Variants in NCKAP1 observed in about 807,000 individuals in gnomAD.
NCKAP1 encodes NCK associated protein 1.
A neutral mutation model predicts 151.2 loss-of-function variants in NCKAP1; 21 were observed. The observed-to-expected ratio is 0.14, with a 90% CI of 0.10 to 0.20. The LOEUF is 0.20. NCKAP1 is among the 10% of genes least tolerant of loss of function. The probability of loss-of-function intolerance (pLI) is 1.00; values close to 1 mark genes in which losing one functional copy is unlikely to be tolerated. For synonymous variants in NCKAP1, 484 were observed against 451.8 expected (o/e 1.07, Z -0.90); for missense variants, 933 against 1,352.1 (o/e 0.69, Z 4.86).
intron 8 of NCKAP1, among the ~76,000 whole-genome samples, chr2:182,990,363 T>A (rs1411033054): frequency 6.6e-6 from 1 of 152,080 alleles, no homozygotes; most frequent in East Asian, 1.9e-4. Flanking sequence ...GTTGAAGAAG[T>A]GAAGGGTCAA....
chr2:182,957,333 T>C lies in NCKAP1; in HGVS notation c.2021+124A>G, dbSNP rs1044891676. 7.3e-6 allele frequency: 8 copies of C among 1,101,834 alleles called. No individual in the cohort carries two copies. The African/African-American group carries it at 8.1e-5, about 11-fold the overall frequency. The allele number at this position is 1,101,834 out of a possible 1,614,324, so 68.3% of individuals were successfully genotyped here. A position where few individuals can be genotyped will look rare whatever the true frequency, so the allele number is the denominator to read the frequency against. ...GGTTAATTAAGCTCAGAAATATTTT[T>C]TAAAATGGCTGGAAAATGAAGAATA... On this transcript the variant is annotated intron_variant, in intron 19 of 30. Coordinates refer to ENST00000361354, the MANE Select transcript of NCKAP1 (RefSeq NM_013436.5).
intron 30 of NCKAP1, 106 bp from the exon 31 acceptor site, chr2:182,925,924 A>G (rs2105795297): frequency 3.7e-6 from 2 of 535,038 alleles, no homozygotes; most frequent in East Asian, 3.3e-5. Flanking sequence ...CCAGTAAGGC[A>G]TAACTTCTAT....
intron 15 of NCKAP1, among the ~76,000 whole-genome samples, chr2:182,974,725 G>C (rs190450717): frequency 6.6e-6 from 1 of 151,948 alleles, no homozygotes; most frequent in Non-Finnish European, 1.5e-5. Context: ...CCAGCCTTCA[G>C]AACTATGAAA....
chr2:183,023,997 A>G, intron 1 of NCKAP1, 81 bp from the exon 2 acceptor site: 2 of 1,070,778 alleles, frequency 1.9e-6, no homozygotes, highest in Non-Finnish European at 2.8e-6. Flanking sequence ...ATTAGAAATT[A>G]AAGAGATATT....
intron 1 of NCKAP1, among the ~76,000 whole-genome samples, chr2:183,031,718 T>C (rs1243610343): frequency 6.6e-6 from 1 of 152,194 alleles, no homozygotes; most frequent in Non-Finnish European, 1.5e-5. Context: ...ACTCATTTAA[T>C]TCTCCTCTTA....
chr2:182,934,676 T>C (rs1696836757), intron 26 of NCKAP1, 76 bp downstream of exon 26: 1 of 762,932 alleles, frequency 1.3e-6, no homozygotes, highest in Non-Finnish European at 2.2e-6. Context: ...TTAGGATTTA[T>C]TACATTTTCT....
intron 9 of NCKAP1, 71 bp from the exon 10 acceptor site, chr2:182,986,298 C>G: frequency 3.3e-6 from 4 of 1,220,600 alleles, no homozygotes; most frequent in Non-Finnish European, 4.7e-6. Context: ...AAGTCTAATA[C>G]TAGAAGTCAA....
At chr2:183,007,031 C>A (rs1250362326) in intron 2 of NCKAP1, among the ~76,000 whole-genome samples, 1 of 152,134 alleles carries the variant, frequency 6.6e-6, no homozygotes, top group African/African-American at 2.4e-5. Flanking sequence ...ACCATACATC[C>A]AGCTAATTTC....
chr2:182,943,919 T>C (rs1034368109), intron 23 of NCKAP1, among the ~76,000 whole-genome samples: 4 of 152,204 alleles, frequency 2.6e-5, no homozygotes, highest in Admixed American at 2.6e-4. Flanking sequence ...TTAAAATCCA[T>C]GTTCTTAATC....
intron 18 of NCKAP1, among the ~76,000 whole-genome samples, chr2:182,960,839 A>G (rs1164886188): frequency 5.9e-5 from 9 of 152,342 alleles, no homozygotes; most frequent in African/African-American, 2.2e-4. Context: ...CTCATCTGAC[A>G]AAGGGCTAAT....
Position 182,952,872 on chromosome 2 carries a change from A to G in NCKAP1, c.2424T>C (p.Phe808=), listed in dbSNP as rs1559079540. 3 of 1,612,258 alleles carry G rather than the reference A, an allele frequency of 1.9e-6. No homozygotes were observed. Residue 808 remains phenylalanine (F), a synonymous_variant, in exon 22 of 31, where the codon TTT becomes TTC. Transcript: ENST00000361354. ...RQVSNGHIAY[F]PAMKAFVNLP... Reference sequence around the variant, plus strand: ...AGTTCACAAACGCTTTCATTGCAGGAAAATATGCTATATGGCCATTGCTGA... The same window carrying G: ...AGTTCACAAACGCTTTCATTGCAGGGAAATATGCTATATGGCCATTGCTGA...
chr2:183,020,499 A>G (rs1339705292), intron 2 of NCKAP1, among the ~76,000 whole-genome samples: 2 of 151,504 alleles, frequency 1.3e-5, no homozygotes, highest in East Asian at 1.9e-4. Context: ...AGAAAAAAAA[A>G]TTTATTGCAT....
In NCKAP1 at chr2:182,921,783, G is replaced by C. The variant is rs1005252978; in HGVS notation, c.*3919C>G. 6.6e-6 allele frequency: 1 copy of C among 152,122 alleles called. No individual in the cohort carries two copies. Among genetic ancestry groups the C allele is most frequent in the Non-Finnish European group, 1.5e-5 (1 of 68,004 alleles). The allele number at this position is 152,122 out of a possible 1,614,324, so 9.4% of individuals were successfully genotyped here. ...GGACAGTCAAGGACAGCGATGTGTA[G>C]GGAAAGTTTGGTTCATGCAAAAATG... On this transcript the variant is annotated 3_prime_UTR_variant, in exon 31 of 31. Coordinates refer to ENST00000361354, the MANE Select transcript of NCKAP1 (RefSeq NM_013436.5).
chr2:182,949,333 CTG>C, intron 23 of NCKAP1, among the ~76,000 whole-genome samples: 1 of 152,286 alleles, frequency 6.6e-6, no homozygotes, highest in Admixed American at 6.5e-5. Context: ...GCTAGACAGA[CTG>C]AGTTCAAATT....
intron 20 of NCKAP1, among the ~76,000 whole-genome samples, chr2:182,953,796 A>T (rs1036752656): frequency 8.0e-5 from 12 of 149,326 alleles, no homozygotes; most frequent in Non-Finnish European, 1.5e-4. Context: ...AGACTGTCTT[A>T]AAAAAAAAAG....
intron 15 of NCKAP1, among the ~76,000 whole-genome samples, chr2:182,967,909 T>C (rs1559086115): frequency 2.6e-5 from 4 of 152,088 alleles, no homozygotes. Context: ...TAAGATAGGT[T>C]GTGGGGAAAA....
rs759822977 is a variant in NCKAP1 at position 183,023,797 on chromosome 2, A to G, written c.219+9T>C. 1.9e-6 allele frequency: 3 copies of G among 1,591,386 alleles called. No homozygotes were observed. Among genetic ancestry groups the G allele is most frequent in the South Asian group, 2.2e-5 (2 of 90,274 alleles). The stretch of plus-strand genomic sequence containing the variant: ...AAAATTAAGCAATAGAAAAATTTAG[A>G]TAACTTACATTGTTGTTGCGGGTTT... On this transcript the variant is annotated intron_variant, in intron 2 of 30. Coordinates refer to ENST00000361354, the MANE Select transcript of NCKAP1 (RefSeq NM_013436.5).
chr2:182,991,817 A>T (rs776482460), intron 8 of NCKAP1, among the ~76,000 whole-genome samples: 18 of 152,224 alleles, frequency 1.2e-4, no homozygotes, highest in Non-Finnish European at 1.9e-4. Context: ...GAGATAGGAA[A>T]AAAAATCTTT....
intron 24 of NCKAP1, among the ~76,000 whole-genome samples, chr2:182,936,631 A>G (rs1696881630): frequency 1.3e-5 from 2 of 152,186 alleles, no homozygotes; most frequent in Admixed American, 6.6e-5. Flanking sequence ...CCTTCTGTGT[A>G]GCTTGTTTAA....
Sources: gnomAD v4.1 joint callset for allele counts (sites outside exome capture counted in the v4.1 genomes callset) on GRCh38, gnomAD v4.1.1 for gene constraint, MANE v1.5 for transcripts, NCBI Gene and HGNC (gene_info 2026-07-23, HGNC 2026-07-21) for gene names.